Variants in KPNA7 observed in about 807,000 individuals in gnomAD.
The protein encoded by KPNA7 is karyopherin subunit alpha 7.
In KPNA7, 54 loss-of-function variants were observed where a neutral mutation model predicts 53.7. The ratio of observed to expected loss-of-function variants is 1.01; its 90% confidence interval spans 0.81 to 1.26. KPNA7 has a LOEUF of 1.26. Among genes scored for constraint, KPNA7 ranks in the 50% most tolerant of loss-of-function variants. KPNA7 has a pLI of 0.00. For missense variants in KPNA7, 640 were observed against 644.5 expected, an observed-to-expected ratio of 0.99 and a Z score of 0.07; for synonymous variants, 276 against 259.3, an observed-to-expected ratio of 1.06 and a Z score of -0.62.
chr7:99,183,847 TTTTG>T (rs1789421358), intron 8 of KPNA7, among the ~76,000 whole-genome samples: 1 of 152,066 alleles, frequency 6.6e-6, no homozygotes, highest in African/African-American at 2.4e-5. Flanking sequence ...AATAATGTTT[TTTTG>T]TTTTTGTTTT....
chr7:99,194,994 C>A, intron 5 of KPNA7, 76 bp downstream of exon 5: 1 of 1,469,048 alleles, frequency 6.8e-7, no homozygotes. Context: ...CGAGTATACC[C>A]CACCACCCAA....
chr7:99,147,803 T>A, the KPNA7 span, among the ~76,000 whole-genome samples: 53 of 940 alleles, frequency 0.056, no homozygotes, highest in South Asian at 0.25. Flanking sequence ...AAAAAAAAAA[T>A]TTTTTTTTTT....
At chr7:99,169,744 A>G (rs2150689209), downstream of KPNA7, among the ~76,000 whole-genome samples, 1 of 150,930 alleles carries the variant, frequency 6.6e-6, no homozygotes, top group South Asian at 2.1e-4. Context: ...CCATGAAAAA[A>G]GATCTGCAGC....
At chr7:99,188,592 G>T in intron 6 of KPNA7, 29 bp from the exon 7 acceptor site, 1 of 1,541,896 alleles carries the variant, frequency 6.5e-7, no homozygotes, top group Non-Finnish European at 8.8e-7. Flanking sequence ...CTCCAGCATT[G>T]GGTGCAAAGG....
chr7:99,153,002 GC>G, the KPNA7 span, among the ~76,000 whole-genome samples: 3 of 152,182 alleles, frequency 2.0e-5, no homozygotes, highest in Non-Finnish European at 2.9e-5. Flanking sequence ...ATTGTGACAA[GC>G]CACCATGCAT....
At chr7:99,195,802 AAT>A (rs1790199778) in intron 4 of KPNA7, among the ~76,000 whole-genome samples, 1 of 152,192 alleles carries the variant, frequency 6.6e-6, no homozygotes, top group Non-Finnish European at 1.5e-5. Flanking sequence ...TTCGGTATTA[AAT>A]CAACATTTTC....
At chr7:99,165,573 G>A in the KPNA7 span, among the ~76,000 whole-genome samples, 1 of 152,158 alleles carries the variant, frequency 6.6e-6, no homozygotes, top group African/African-American at 2.4e-5. Flanking sequence ...TGAGAAGTTG[G>A]TGCAGGTGAA....
Position 99,203,218 on chromosome 7 carries a change from G to T in KPNA7, c.89C>A (p.Ala30Glu). The T allele has an allele frequency of 4.5e-6, 7 of 1,551,498 alleles. No homozygotes were observed. Among genetic ancestry groups the T allele is most frequent in the Non-Finnish European group, 6.1e-6 (7 of 1,146,814 alleles). ...GGCCTTTCGGAGCTCCAGACTGACC[G>T]CCATCCTCTGCTGTCGCCTCAGCTA... ...DVSLRRQQRM[A>E]VSLELRKAKK... Residue 30 changes from alanine to glutamate, a missense_variant, in exon 3 of 11, where the codon GCG becomes GAG. Physicochemically the swap from Ala to Glu is moderately radical, Grantham distance 107. Coordinates refer to ENST00000327442, the MANE Select transcript of KPNA7 (RefSeq NM_001145715.3).
intron 2 of KPNA7, among the ~76,000 whole-genome samples, chr7:99,205,004 T>C (rs1160701947): frequency 6.6e-6 from 1 of 152,200 alleles, no homozygotes. Context: ...CTTTCTCTCT[T>C]CTCTTTGGCA....
the KPNA7 span, among the ~76,000 whole-genome samples, chr7:99,155,755 G>A: frequency 6.6e-6 from 1 of 151,614 alleles, no homozygotes; most frequent in Non-Finnish European, 1.5e-5. Context: ...TATAGAGATG[G>A]GTTTTCATCA....
chr7:99,152,357 CA>C, the KPNA7 span, among the ~76,000 whole-genome samples: 23 of 103,108 alleles, frequency 2.2e-4, no homozygotes, highest in Middle Eastern at 6.3e-3. Context: ...GACTCCGTCT[CA>C]AAAAAAAAAA....
chr7:99,173,283 C>T (rs1798805984), downstream of KPNA7, among the ~76,000 whole-genome samples: 1 of 152,024 alleles, frequency 6.6e-6, no homozygotes, highest in Non-Finnish European at 1.5e-5. Context: ...CTCCGCCCTC[C>T]TGGGTTCAAG....
chr7:99,209,784 C>A (rs71567535), upstream of KPNA7, among the ~76,000 whole-genome samples: 9,131 of 148,528 alleles, frequency 0.061, 316 homozygotes, highest in South Asian at 0.16. Flanking sequence ...AAGGTGGAGA[C>A]TTGCTTAAGG....
Position 99,178,044 on chromosome 7 carries a change from T to TG in KPNA7, c.1339_1340insC (p.Lys447ThrfsTer16). 6.4e-7 allele frequency: 1 copy of TG among 1,551,614 alleles called. No individual in the cohort carries two copies. The highest frequency in any genetic ancestry group is 8.7e-7 in the Non-Finnish European group (1 of 1,146,944). On this transcript the variant is annotated frameshift_variant, in exon 10 of 11. Transcript: ENST00000327442. LOFTEE classifies it high-confidence loss of function. ...TTCTATCAGAAGACACAGGTTTTCCTTCTCAGACCGTTTCTCTGCCGCCTG... is the reference window on the plus strand; with the variant it reads ...TTCTATCAGAAGACACAGGTTTTCCTGTCTCAGACCGTTTCTCTGCCGCCTG...
At chr7:99,163,383 A>ATATATATATATATTTT in the KPNA7 span, among the ~76,000 whole-genome samples, 16 of 40,818 alleles carry the variant, frequency 3.9e-4, no homozygotes, top group Non-Finnish European at 6.3e-4. Flanking sequence ...ATATATATAT[A>ATATATATATATATTTT]TTTTTTTTTT....
the KPNA7 span, among the ~76,000 whole-genome samples, chr7:99,156,579 C>T: frequency 6.6e-6 from 1 of 152,070 alleles, no homozygotes; most frequent in Non-Finnish European, 1.5e-5. Flanking sequence ...GGCTGGAATG[C>T]AATGGCACAA....
At chr7:99,175,720 G>T (rs868506612) in intron 10 of KPNA7, among the ~76,000 whole-genome samples, 3 of 150,750 alleles carry the variant, frequency 2.0e-5, no homozygotes, top group Non-Finnish European at 4.4e-5. Flanking sequence ...CGCCATGTTG[G>T]CCAGGCTGGT....
At chr7:99,164,956 G>A in the KPNA7 span, among the ~76,000 whole-genome samples, 8 of 151,862 alleles carry the variant, frequency 5.3e-5, no homozygotes, top group Admixed American at 4.6e-4. Context: ...AAGTAGCCGG[G>A]TATGGCAGTA....
intron 2 of KPNA7, among the ~76,000 whole-genome samples, chr7:99,205,758 G>C (rs13237093): frequency 0.079 from 12,043 of 152,074 alleles, 512 homozygotes; most frequent in South Asian, 0.15. Flanking sequence ...GGCTGAGGCA[G>C]GAGAATCGCT....
Sources: allele counts gnomAD v4.1 joint callset (sites outside exome capture counted in the v4.1 genomes callset), GRCh38; gene constraint gnomAD v4.1.1; transcripts MANE v1.5; gene names NCBI Gene and HGNC (gene_info 2026-07-23, HGNC 2026-07-21).